The following WDR70 variants were observed in gnomAD, a reference collection of about 807,000 sequenced individuals.
WDR70 encodes the protein WD repeat-containing protein 70.
A neutral mutation model predicts 88.6 loss-of-function variants in WDR70; 53 were observed. That is an observed-to-expected ratio of 0.60 (90% CI 0.48 to 0.75). WDR70 has a LOEUF of 0.75. WDR70 is among the 30% of genes least tolerant of loss of function. The pLI, the probability that WDR70 is intolerant of heterozygous loss-of-function variation, is 0.00. For missense variants in WDR70, 610 were observed against 823.2 expected (o/e 0.74, Z 3.17); for synonymous variants, 280 against 270.0 (o/e 1.04, Z -0.36).
At chr5:37,469,581 A>G (rs1007224637) in intron 7 of WDR70, among the ~76,000 whole-genome samples, 4 of 152,214 alleles carry the variant, frequency 2.6e-5, no homozygotes, top group Non-Finnish European at 4.4e-5. Context: ...TGGGAGTAAC[A>G]GAAGTAATAG....
At chr5:37,608,446 T>C (rs181409735) in intron 10 of WDR70, among the ~76,000 whole-genome samples, 27 of 152,248 alleles carry the variant, frequency 1.8e-4, no homozygotes, top group Admixed American at 5.2e-4. Flanking sequence ...GACCACACCA[T>C]ATTTAAATTG....
intron 6 of WDR70, among the ~76,000 whole-genome samples, chr5:37,440,534 G>T (rs1388448526): frequency 6.6e-6 from 1 of 152,150 alleles, no homozygotes; most frequent in Non-Finnish European, 1.5e-5. Flanking sequence ...TAGTAGAGAT[G>T]GGGTTTTGCC....
intron 13 of WDR70, among the ~76,000 whole-genome samples, 156 bp downstream of exon 13, chr5:37,703,243 G>C (rs1034564017): frequency 6.6e-6 from 1 of 152,110 alleles, no homozygotes; most frequent in Non-Finnish European, 1.5e-5. Flanking sequence ...AGTATGTTGT[G>C]GATGGCTGAG....
chr5:37,561,427 A>G (rs1300578651), intron 9 of WDR70, among the ~76,000 whole-genome samples: 1 of 152,246 alleles, frequency 6.6e-6, no homozygotes, highest in Non-Finnish European at 1.5e-5. Flanking sequence ...GGTATACACT[A>G]TGCTAAAACA....
intron 10 of WDR70, among the ~76,000 whole-genome samples, chr5:37,690,501 A>G (rs953154322): frequency 2.6e-5 from 4 of 152,244 alleles, no homozygotes; most frequent in Non-Finnish European, 5.9e-5. Context: ...TCAGACTAAC[A>G]GTGGATCTCT....
intron 13 of WDR70, among the ~76,000 whole-genome samples, chr5:37,720,388 C>G (rs1293278712): frequency 6.6e-6 from 1 of 152,074 alleles, no homozygotes; most frequent in Admixed American, 6.6e-5. Flanking sequence ...TGCCCTCTTA[C>G]CACAGACAAA....
intron 8 of WDR70, among the ~76,000 whole-genome samples, chr5:37,507,830 G>A (rs1034721183): frequency 6.6e-6 from 1 of 152,060 alleles, no homozygotes; most frequent in Non-Finnish European, 1.5e-5. Context: ...ACTGTCATTG[G>A]TAGTGCATAG....
chr5:37,509,276 C>G (rs554899149), intron 8 of WDR70, among the ~76,000 whole-genome samples: 86 of 152,158 alleles, frequency 5.7e-4, no homozygotes, highest in Non-Finnish European at 5.9e-5. Context: ...TTAACTGTGT[C>G]CCACAACTTT....
chr5:37,513,037 T>G (rs913631559), intron 8 of WDR70, among the ~76,000 whole-genome samples: 4 of 152,222 alleles, frequency 2.6e-5, no homozygotes, highest in Non-Finnish European at 5.9e-5. Context: ...GTTTATTCTT[T>G]CAGTATATGT....
At chr5:37,626,097 G>A (rs1170260015) in intron 10 of WDR70, among the ~76,000 whole-genome samples, 6 of 149,958 alleles carry the variant, frequency 4.0e-5, no homozygotes, top group Non-Finnish European at 8.9e-5. Context: ...CTCCCTTTCC[G>A]ATTTGGATGC....
chr5:37,632,159 A>G (rs1744835484), intron 10 of WDR70, among the ~76,000 whole-genome samples: 1 of 152,208 alleles, frequency 6.6e-6, no homozygotes, highest in Non-Finnish European at 1.5e-5. Flanking sequence ...TCTTAACATT[A>G]CAGCACAATG....
chr5:37,407,777 C>T (rs4869429), intron 5 of WDR70, among the ~76,000 whole-genome samples: 74,235 of 151,312 alleles, frequency 0.49, 20,746 homozygotes, highest in Non-Finnish European at 0.62. Flanking sequence ...GATCCTCCTG[C>T]CTTGGCCTCC....
At chr5:37,499,595 C>CTCTCTCTCTT (rs764121505) in intron 8 of WDR70, among the ~76,000 whole-genome samples, 2 of 50,810 alleles carry the variant, frequency 3.9e-5, no homozygotes, top group Non-Finnish European at 6.1e-5. Flanking sequence ...TATTCTCTCT[C>CTCTCTCTCTT]TCTCTCTCTC....
intron 10 of WDR70, among the ~76,000 whole-genome samples, chr5:37,693,021 C>T (rs542265035): frequency 3.3e-5 from 5 of 152,174 alleles, no homozygotes. Context: ...AGCAAACTCT[C>T]GGGATACAAA....
chr5:37,410,395 T>G (rs1561841568), intron 5 of WDR70, among the ~76,000 whole-genome samples: 1 of 151,866 alleles, frequency 6.6e-6, no homozygotes, highest in Non-Finnish European at 1.5e-5. Flanking sequence ...ACTTTCTCAT[T>G]CCTCCAGTTT....
chr5:37,441,915 G>T (rs1581280613), intron 6 of WDR70, among the ~76,000 whole-genome samples: 1 of 152,114 alleles, frequency 6.6e-6, no homozygotes, highest in South Asian at 2.1e-4. Flanking sequence ...CTTCTTAGAG[G>T]GCAGTAGATC....
At chr5:37,557,959 T>TTTGAAAACTCTTCAAAAGAGTA in intron 9 of WDR70, among the ~76,000 whole-genome samples, 3 of 146,622 alleles carry the variant, frequency 2.0e-5, no homozygotes, top group African/African-American at 2.5e-5. Context: ...AAAAGAGTAT[T>TTTGAAAACTCTTCAAAAGAGTA]ATGTATATTT....
chr5:37,484,604 T>G (rs1739800004), intron 8 of WDR70, among the ~76,000 whole-genome samples: 1 of 152,144 alleles, frequency 6.6e-6, no homozygotes, highest in Non-Finnish European at 1.5e-5. Flanking sequence ...GGTCTCAGTT[T>G]TTAATGTAAA....
At chr5:37,441,283 GGC>G (rs1196921563) in intron 6 of WDR70, among the ~76,000 whole-genome samples, 2 of 151,832 alleles carry the variant, frequency 1.3e-5, no homozygotes, top group Admixed American at 6.6e-5. Flanking sequence ...TTATTGTTCG[GGC>G]ATAAAAAATG....
Sources: gnomAD v4.1 joint callset for allele counts (sites outside exome capture counted in the v4.1 genomes callset) on GRCh38, gnomAD v4.1.1 for gene constraint, MANE v1.5 for transcripts, NCBI Gene and HGNC (gene_info 2026-07-23, HGNC 2026-07-21) for gene names.